ACTR1B: variants seen among roughly 807,000 people sequenced by gnomAD.
The protein encoded by ACTR1B is beta-centractin.
A neutral mutation model predicts 49.4 loss-of-function variants in ACTR1B; 34 were observed. That is an observed-to-expected ratio of 0.69 (90% CI 0.52 to 0.92). ACTR1B has a LOEUF of 0.92. Among genes scored for constraint, ACTR1B ranks in the 40% least tolerant of loss-of-function variants. The pLI, the probability that ACTR1B is intolerant of heterozygous loss-of-function variation, is 0.00. For missense variants in ACTR1B, 471 were observed against 522.4 expected (o/e 0.90, Z 0.96); for synonymous variants, 207 against 207.8 (o/e 1.00, Z 0.03).
Position 97,660,556 on chromosome 2 carries a change from G to T in ACTR1B, c.189+15C>A. ...GGACCCCACCCCCAGGGAAAGGCAG[G>T]CTCCTCGGTGTTACCTCTGCTTTTG... On this transcript the variant is annotated intron_variant, in intron 3 of 10. Transcript: ENST00000289228. The T allele has an allele frequency of 6.2e-7, 1 of 1,613,332 alleles. No individual in the cohort carries two copies. The highest frequency in any genetic ancestry group is 8.5e-7 in the Non-Finnish European group (1 of 1,179,288).
At chr2:97,661,786 G>A in intron 2 of ACTR1B, 96 bp downstream of exon 2, 1 of 1,281,110 alleles carries the variant, frequency 7.8e-7, no homozygotes. Context: ...TACAGGTCAG[G>A]GCACAAATTG....
chr2:97,660,098 G>A (rs985640862), intron 3 of ACTR1B, among the ~76,000 whole-genome samples: 3 of 151,746 alleles, frequency 2.0e-5, no homozygotes, highest in African/African-American at 7.3e-5. Flanking sequence ...CCAGAACCAC[G>A]CATGCCCCAC....
rs765188039 is a variant in ACTR1B, at chr2:97,656,376, G to A, written c.*482C>T. On this transcript the variant is annotated 3_prime_UTR_variant, in exon 11 of 11. Coordinates refer to ENST00000289228, the MANE Select transcript of ACTR1B (RefSeq NM_005735.4). ...CTACACCAGGGCATCTACCCAGGAA[G>A]ATAGGAGGACAGAGTGTGAAAGGGG... 2.0e-5 allele frequency: 4 copies of A among 197,290 alleles called. No individual in the cohort carries two copies. Among genetic ancestry groups the A allele is most frequent in the Non-Finnish European group, 4.2e-5 (4 of 95,270 alleles). The allele number at this position is 197,290 out of a possible 1,614,324, so 12.2% of individuals were successfully genotyped here. A position where few individuals can be genotyped will look rare whatever the true frequency, so the allele number is the denominator to read the frequency against.
In ACTR1B at chr2:97,659,654, A is replaced by C; in HGVS notation, c.190-177T>G. On this transcript the variant is annotated intron_variant, in intron 3 of 10. Coordinates refer to ENST00000289228, the MANE Select transcript of ACTR1B (RefSeq NM_005735.4). This position sits in a 1 kb window ranked among gnomAD's most constrained non-coding sequence, Gnocchi z 4.0. ...CGGGTCCTGAACTCAGCATGGGCTCACCTGCCCACCAGCTTCTTAGGCTCT... is the reference window on the plus strand; with the variant it reads ...CGGGTCCTGAACTCAGCATGGGCTCCCCTGCCCACCAGCTTCTTAGGCTCT... 7.1e-6 allele frequency: 6 copies of C among 839,982 alleles called. No individual in the cohort carries two copies. The highest frequency in any genetic ancestry group is 1.8e-5 in the South Asian group (1 of 56,570). 52.0% of individuals were successfully genotyped at this position (839,982 alleles called of 1,614,324 possible). A position where few individuals can be genotyped will look rare whatever the true frequency, so the allele number is the denominator to read the frequency against.
intron 3 of ACTR1B, 26 bp downstream of exon 3, chr2:97,660,545 G>C: frequency 6.2e-7 from 1 of 1,610,266 alleles, no homozygotes; most frequent in South Asian, 1.1e-5. Context: ...CCCACCCCCA[G>C]GGAAAGGCAG....
intron 9 of ACTR1B, 61 bp from the exon 10 acceptor site, chr2:97,657,253 C>G (rs1378808402): frequency 6.3e-7 from 1 of 1,595,480 alleles, no homozygotes; most frequent in African/African-American, 1.3e-5. Flanking sequence ...TCCTCCCAGC[C>G]TTGGGGTCAC....
chr2:97,659,289 G>C lies in ACTR1B; in HGVS notation c.315+63C>G. 6.2e-7 allele frequency: 1 copy of C among 1,607,040 alleles called. No homozygotes were observed. The highest frequency in any genetic ancestry group is 8.5e-7 in the Non-Finnish European group (1 of 1,176,676). The stretch of plus-strand genomic sequence containing the variant: ...GAAATGTGGGAGCCCGGCGAGGAGG[G>C]ACGCAGAGGAGAGGGGCATGGCCAG... On this transcript the variant is annotated intron_variant, in intron 4 of 10. Coordinates refer to ENST00000289228, the MANE Select transcript of ACTR1B (RefSeq NM_005735.4). This position sits in a 1 kb window ranked among gnomAD's most constrained non-coding sequence, Gnocchi z 4.0.
chr2:97,656,797 G>T lies in ACTR1B; in HGVS notation c.*61C>A, dbSNP rs535024690. The T allele has an allele frequency of 4.9e-6, 7 of 1,416,358 alleles. No homozygotes were observed. Among genetic ancestry groups the T allele is most frequent in the South Asian group, 4.9e-5 (4 of 81,048 alleles). 87.7% of individuals were successfully genotyped at this position (1,416,358 alleles called of 1,614,324 possible). ...TAGTATACGAGCCAAGACCAAAAAG[G>T]GTTAAAGGCTCTGTCTCCCCTCCCT... is the stretch of plus-strand genomic sequence containing the variant. On this transcript the variant is annotated 3_prime_UTR_variant, in exon 11 of 11. Transcript: ENST00000289228.
intron 1 of ACTR1B, among the ~76,000 whole-genome samples, 167 bp from the exon 2 acceptor site, chr2:97,662,113 T>C (rs1675027039): frequency 1.3e-5 from 2 of 152,134 alleles, no homozygotes; most frequent in African/African-American, 4.8e-5. Context: ...GGGGCAATTT[T>C]GTATCCCCCT....
chr2:97,658,047 C>T lies in ACTR1B; in HGVS notation c.821G>A (p.Gly274Glu). Residue 274 changes from glycine (G) to glutamate (E), a missense_variant, in exon 8 of 11, where the codon GGG becomes GAG. By Grantham distance (98) the Gly-to-Glu change is moderately conservative. Transcript: ENST00000289228. The surrounding 1 kb of genome is among the most constrained non-coding windows in gnomAD (Gnocchi z 5.9). Reference protein sequence around the residue: ...QPDLVGDESEGLHEVVAFAIH... With the variant: ...QPDLVGDESEELHEVVAFAIH... ...GGCGAAGGCCACCACCTCATGGAGC[C>T]CCTCACTCTCATCCCCGACAAGGTC... The T allele has an allele frequency of 3.7e-6, 6 of 1,614,152 alleles. No individual in the cohort carries two copies. The highest frequency in any genetic ancestry group is 5.1e-6 in the Non-Finnish European group (6 of 1,180,038).
At chr2:97,660,130 C>A (rs1674972868) in intron 3 of ACTR1B, among the ~76,000 whole-genome samples, 2 of 152,174 alleles carry the variant, frequency 1.3e-5, no homozygotes, top group African/African-American at 4.8e-5. Flanking sequence ...CGACACAATG[C>A]TCCTCAGGCG....
rs1406111171 is a variant in ACTR1B at position 97,659,211 on chromosome 2, T to A, written c.315+141A>T. The stretch of plus-strand genomic sequence containing the variant: ...CTGCCTAGCAGCCACTGGGTACGTA[T>A]GCGCACCCAGACACACACGGAAAGG... On this transcript the variant is annotated intron_variant, in intron 4 of 10. Transcript: ENST00000289228. This position sits in a 1 kb window ranked among gnomAD's most constrained non-coding sequence, Gnocchi z 4.0. 2.1e-6 allele frequency: 3 copies of A among 1,439,870 alleles called. No individual in the cohort carries two copies. In the African/African-American group the frequency reaches 4.2e-5, roughly 20 times the overall value. The allele number at this position is 1,439,870 out of a possible 1,614,324, so 89.2% of individuals were successfully genotyped here. A position where few individuals can be genotyped will look rare whatever the true frequency, so the allele number is the denominator to read the frequency against.
intron 9 of ACTR1B, 53 bp from the exon 10 acceptor site, chr2:97,657,245 C>A (rs746298770): frequency 1.9e-6 from 3 of 1,600,632 alleles, no homozygotes; most frequent in Non-Finnish European, 2.6e-6. Flanking sequence ...AGAAGCCATC[C>A]TCCCAGCCTT....
chr2:97,658,094 G>A lies in ACTR1B; in HGVS notation c.774C>T (p.Ala258=). Reference sequence around the variant, plus strand: ...GGTCCGGCTGGAACAGCAGCTCGGGGGCCCGGAATCGTGCAGGCCCCACCT... The same window carrying A: ...GGTCCGGCTGGAACAGCAGCTCGGGAGCCCGGAATCGTGCAGGCCCCACCT... The part of the protein sequence containing the change: ...TLDVGPARFR[A]PELLFQPDLV... Residue 258 remains alanine, a synonymous_variant, in exon 8 of 11, where the codon GCC becomes GCT. Coordinates refer to ENST00000289228, the MANE Select transcript of ACTR1B (RefSeq NM_005735.4). The surrounding 1 kb of genome is among the most constrained non-coding windows in gnomAD (Gnocchi z 5.9). The A allele has an allele frequency of 6.2e-7, 1 of 1,614,070 alleles. No individual in the cohort carries two copies. The highest frequency in any genetic ancestry group is 8.5e-7 in the Non-Finnish European group (1 of 1,180,020).
At position 97,658,710 on chromosome 2, in the gene ACTR1B, G is replaced by A. The variant is rs1026703549; in HGVS notation, c.441-67C>T. 6 of 1,588,416 alleles carry A rather than the reference G, an allele frequency of 3.8e-6. No individual in the cohort carries two copies. In the Admixed American group the frequency reaches 8.3e-5, roughly 22 times the overall value. ...ACGGGGACCTCCTCACCCAGGGGAG[G>A]AACCCTGGCACATCTGCATTATCTA... On this transcript the variant is annotated intron_variant, in intron 5 of 10. Coordinates refer to ENST00000289228, the MANE Select transcript of ACTR1B (RefSeq NM_005735.4). This position sits in a 1 kb window ranked among gnomAD's most constrained non-coding sequence, Gnocchi z 5.9.
intron 1 of ACTR1B, among the ~76,000 whole-genome samples, 172 bp downstream of exon 1, chr2:97,663,671 C>T (rs1675094284): frequency 6.6e-6 from 1 of 151,828 alleles, no homozygotes; most frequent in Non-Finnish European, 1.5e-5. Flanking sequence ...CATGGCCGGC[C>T]TTACAAGGCC....
chr2:97,662,888 C>A (rs913143585), intron 1 of ACTR1B, among the ~76,000 whole-genome samples: 2 of 152,226 alleles, frequency 1.3e-5, no homozygotes, highest in Non-Finnish European at 2.9e-5. Context: ...TCAGTGCTAA[C>A]CTCCTTATTA....
At chr2:97,663,770 G>C (rs1675100476) in intron 1 of ACTR1B, 73 bp downstream of exon 1, 4 of 1,013,490 alleles carry the variant, frequency 3.9e-6, no homozygotes, top group Non-Finnish European at 5.1e-6. Context: ...GGCGGGCGGG[G>C]GTCTCTCCCT....
rs779353921 is a variant in ACTR1B at position 97,658,969 on chromosome 2, G to T, written c.350C>A (p.Pro117Gln). Reference sequence around the variant, plus strand: ...TGCCGCCTTCTCCCGGTTCTTACTCGGGTTGAGCGGGGCCTCCGTGAGGAG... The same window carrying T: ...TGCCGCCTTCTCCCGGTTCTTACTCTGGTTGAGCGGGGCCTCCGTGAGGAG... ...PVLLTEAPLN[P>Q]SKNREKAAEV... is the part of the protein sequence containing the mutation. The change falls in exon 5 of 11, where the codon CCG (proline) becomes CAG (glutamine). Residue 117 changes from proline (P) to glutamine (Q), a missense_variant. Coordinates refer to ENST00000289228, the MANE Select transcript of ACTR1B (RefSeq NM_005735.4). The surrounding 1 kb of genome is among the most constrained non-coding windows in gnomAD (Gnocchi z 5.9). The T allele has an allele frequency of 1.2e-6, 2 of 1,614,144 alleles. No individual in the cohort carries two copies. The highest frequency in any genetic ancestry group is 1.6e-4 in the Middle Eastern group (1 of 6,062).
Sources: allele counts gnomAD v4.1 joint callset (sites outside exome capture counted in the v4.1 genomes callset), GRCh38; gene constraint gnomAD v4.1.1; non-coding constraint Gnocchi (gnomAD v3.1); transcripts MANE v1.5; gene names NCBI Gene and HGNC (gene_info 2026-07-23, HGNC 2026-07-21).